Variants in CPNE4 observed in about 807,000 individuals in gnomAD.
CPNE4 encodes the protein copine 4, also known as copine-4.
A neutral mutation model predicts 67.9 loss-of-function variants in CPNE4; 25 were observed. The observed-to-expected ratio is 0.37, with a 90% CI of 0.27 to 0.51. The LOEUF is 0.51. Ranked by LOEUF, CPNE4 falls within the 20% of genes least tolerant of loss-of-function variation. The pLI, the probability that CPNE4 is intolerant of heterozygous loss-of-function variation, is 0.93. For missense variants in CPNE4, 464 were observed against 690.8 expected, an observed-to-expected ratio of 0.67 and a Z score of 3.68; for synonymous variants, 242 against 244.9, an observed-to-expected ratio of 0.99 and a Z score of 0.11.
intron 7 of CPNE4, among the ~76,000 whole-genome samples, chr3:131,652,164 T>C (rs948796155): frequency 2.6e-5 from 4 of 152,228 alleles, no homozygotes; most frequent in Admixed American, 2.6e-4. Flanking sequence ...TACTGTGTAG[T>C]GTAGGTTGTC....
intron 14 of CPNE4, among the ~76,000 whole-genome samples, chr3:131,544,562 T>C (rs903308145): frequency 3.9e-5 from 6 of 152,190 alleles, no homozygotes; most frequent in Admixed American, 6.5e-5. Flanking sequence ...TCCTTCTATG[T>C]CTGTATTTTC....
chr3:131,976,700 C>T (rs2072664292), intron 1 of CPNE4, among the ~76,000 whole-genome samples: 1 of 152,038 alleles, frequency 6.6e-6, no homozygotes, highest in Admixed American at 6.6e-5. Flanking sequence ...AAGTATTTGG[C>T]AGTTGGCTTT....
At chr3:131,619,849 G>A (rs1428677130) in intron 7 of CPNE4, among the ~76,000 whole-genome samples, 1 of 152,148 alleles carries the variant, frequency 6.6e-6, no homozygotes. Flanking sequence ...TCCCTGCAAT[G>A]TGTCACACTG....
chr3:131,669,139 C>G (rs1211516440), intron 7 of CPNE4, among the ~76,000 whole-genome samples: 1 of 152,068 alleles, frequency 6.6e-6, no homozygotes, highest in Non-Finnish European at 1.5e-5. Flanking sequence ...GGCCCCACCC[C>G]TTCTCTCATT....
intron 1 of CPNE4, among the ~76,000 whole-genome samples, chr3:131,920,222 C>A (rs184088600): frequency 3.7e-4 from 56 of 152,264 alleles, no homozygotes; most frequent in African/African-American, 1.1e-3. Flanking sequence ...TCTCATTTTC[C>A]TTCTCGTACT....
rs1419587481 is a variant in CPNE4, at chr3:131,696,635, A to G, written c.433-19T>C. ...CAATCACCTAAAGGAAAAAGCACACATCAGCTGCAATAGAGGGTGAACTCC... is the reference window on the plus strand; with the variant it reads ...CAATCACCTAAAGGAAAAAGCACACGTCAGCTGCAATAGAGGGTGAACTCC... On this transcript the variant is annotated intron_variant, in intron 4 of 15. Transcript: ENST00000429747. 3 of 1,610,590 alleles carry G rather than the reference A, an allele frequency of 1.9e-6. No homozygotes were observed. Among genetic ancestry groups the G allele is most frequent in the East Asian group, 2.2e-5 (1 of 44,852 alleles).
chr3:131,792,320 G>C (rs929776260), intron 2 of CPNE4, among the ~76,000 whole-genome samples: 3 of 151,920 alleles, frequency 2.0e-5, no homozygotes, highest in Admixed American at 2.0e-4. Flanking sequence ...TAATACCAGT[G>C]TAAGAGTGTT....
intron 7 of CPNE4, among the ~76,000 whole-genome samples, chr3:131,647,808 C>T (rs2079702987): frequency 6.6e-6 from 1 of 152,130 alleles, no homozygotes; most frequent in Admixed American, 6.6e-5. Context: ...CACCTGGTCT[C>T]TGGGCAATAA....
chr3:131,562,069 T>C (rs1469778063), intron 11 of CPNE4, among the ~76,000 whole-genome samples: 1 of 152,062 alleles, frequency 6.6e-6, no homozygotes, highest in Non-Finnish European at 1.5e-5. Flanking sequence ...TCTTACTCTA[T>C]TAAAAATTTT....
chr3:131,990,279 A>G (rs1321419711), intron 1 of CPNE4, among the ~76,000 whole-genome samples: 1 of 136,584 alleles, frequency 7.3e-6, no homozygotes, highest in African/African-American at 2.5e-5. Flanking sequence ...TATCTAAATT[A>G]TGATTGTGCA....
At chr3:131,538,032 C>T (rs962922498) in intron 15 of CPNE4, among the ~76,000 whole-genome samples, 4 of 152,176 alleles carry the variant, frequency 2.6e-5, no homozygotes, top group African/African-American at 9.7e-5. Flanking sequence ...TATTTGTTAC[C>T]ATCAAAAATG....
intron 2 of CPNE4, among the ~76,000 whole-genome samples, chr3:131,802,746 C>G (rs897475331): frequency 2.0e-5 from 3 of 152,160 alleles, no homozygotes; most frequent in Non-Finnish European, 4.4e-5. Flanking sequence ...CCCCTGAAAA[C>G]CTGTTAATGT....
chr3:131,881,692 TAAATA>T (rs1268922507), intron 2 of CPNE4, among the ~76,000 whole-genome samples: 3 of 152,254 alleles, frequency 2.0e-5, no homozygotes, highest in African/African-American at 7.2e-5. Context: ...CCACCTCAGT[TAAATA>T]AAATATTTCA....
At chr3:131,946,157 C>T (rs1315191391) in intron 1 of CPNE4, among the ~76,000 whole-genome samples, 1 of 152,142 alleles carries the variant, frequency 6.6e-6, no homozygotes, top group Non-Finnish European at 1.5e-5. Flanking sequence ...AATCCCTTAC[C>T]ATTAAGCAGT....
At chr3:131,962,689 G>C (rs537845142) in intron 1 of CPNE4, among the ~76,000 whole-genome samples, 1 of 151,810 alleles carries the variant, frequency 6.6e-6, no homozygotes, top group Non-Finnish European at 1.5e-5. Flanking sequence ...ACAAATAGAT[G>C]GACTTCCAGT....
At chr3:131,651,972 AC>A (rs1246037295) in intron 7 of CPNE4, among the ~76,000 whole-genome samples, 1 of 152,156 alleles carries the variant, frequency 6.6e-6, no homozygotes, top group Non-Finnish European at 1.5e-5. Context: ...ACACCGGTGT[AC>A]CCAGTTCTAC....
At chr3:131,784,588 C>G (rs2083507709) in intron 2 of CPNE4, among the ~76,000 whole-genome samples, 1 of 152,138 alleles carries the variant, frequency 6.6e-6, no homozygotes. Context: ...CTGAGCATCT[C>G]TGCCTTGGGA....
intron 7 of CPNE4, among the ~76,000 whole-genome samples, chr3:131,649,766 G>A (rs1343398070): frequency 1.3e-5 from 2 of 152,236 alleles, no homozygotes; most frequent in African/African-American, 4.8e-5. Flanking sequence ...GGGTACAAAA[G>A]ACCCTCTATT....
chr3:131,647,685 C>T (rs1172270066), intron 7 of CPNE4, among the ~76,000 whole-genome samples: 1 of 152,108 alleles, frequency 6.6e-6, no homozygotes, highest in Non-Finnish European at 1.5e-5. Context: ...TCTTGAGGCT[C>T]TCTGAGTAAA....
Sources: allele counts gnomAD v4.1 joint callset (sites outside exome capture counted in the v4.1 genomes callset), GRCh38; gene constraint gnomAD v4.1.1; transcripts MANE v1.5; gene names NCBI Gene and HGNC (gene_info 2026-07-23, HGNC 2026-07-21).